PRRC2A: variants seen among roughly 807,000 people sequenced by gnomAD.
PRRC2A encodes protein PRRC2A.
In PRRC2A, 59 loss-of-function variants were observed where a neutral mutation model predicts 224.6. The ratio of observed to expected loss-of-function variants is 0.26; its 90% CI spans 0.21 to 0.33. PRRC2A has a LOEUF of 0.33. PRRC2A is among the 10% of genes least tolerant of loss of function. The pLI is 1.00. For synonymous variants in PRRC2A, 1,194 were observed against 1,109.5 expected, an observed-to-expected ratio of 1.08 and a Z score of -1.51; for missense variants, 3,095 against 2,880.7, an observed-to-expected ratio of 1.07 and a Z score of -1.70.
chr6:31,626,342 CAGG>C (rs1398840545), intron 9 of PRRC2A, among the ~76,000 whole-genome samples, 180 bp downstream of exon 9: 3 of 151,622 alleles, frequency 2.0e-5, no homozygotes, highest in African/African-American at 7.3e-5. Flanking sequence ...CGCTTGAAGC[CAGG>C]AGTTCAAGAC....
In PRRC2A at chr6:31,627,948, C is replaced by A; in HGVS notation, c.1474C>A (p.Arg492=). ...GGCAGCCTGTGCTGAGAAGCTCAAGCGACTCGATGAAAAGTTTGGGGCACC... is the reference window on the plus strand; with the variant it reads ...GGCAGCCTGTGCTGAGAAGCTCAAGAGACTCGATGAAAAGTTTGGGGCACC... The part of the protein sequence containing the change: ...RRAACAEKLK[R]LDEKFGAPDK... The change falls in exon 12 of 31, where the codon CGA becomes AGA. Residue 492 remains arginine (R), a synonymous_variant. Coordinates refer to ENST00000376033, the MANE Select transcript of PRRC2A (RefSeq NM_004638.4). This position sits in a 1 kb window ranked among gnomAD's most constrained non-coding sequence, Gnocchi z 5.6. The A allele has an allele frequency of 1.2e-6, 2 of 1,612,988 alleles. No homozygotes were observed. Among genetic ancestry groups the A allele is most frequent in the South Asian group, 1.1e-5 (1 of 91,076 alleles).
chr6:31,626,430 A>T (rs978079597), intron 9 of PRRC2A, among the ~76,000 whole-genome samples: 3 of 151,908 alleles, frequency 2.0e-5, no homozygotes, highest in Non-Finnish European at 1.5e-5. Context: ...TGGACTGTGC[A>T]TCTGTGGTCC....
In PRRC2A at chr6:31,637,322, C is replaced by G; in HGVS notation, c.6331C>G (p.Gln2111Glu). 1 of 1,610,436 alleles carries G rather than the reference C, an allele frequency of 6.2e-7. No individual in the cohort carries two copies. Among genetic ancestry groups the G allele is most frequent in the Non-Finnish European group, 8.5e-7 (1 of 1,177,600 alleles). ...CACCCAGCGCGTCGACCTTTACCAGCAGGTGAAGGAGAAACCCTTGTGGCC... is the reference window on the plus strand; with the variant it reads ...CACCCAGCGCGTCGACCTTTACCAGGAGGTGAAGGAGAAACCCTTGTGGCC... ...FRTQRVDLYQ[Q>E]ASPPDALRWI... The change falls in exon 30 of 31, where the codon CAG becomes GAG. Residue 2111 changes from glutamine to glutamate, a missense_variant and splice_region_variant. Transcript: ENST00000376033.
chr6:31,632,962 AGAG>A lies in PRRC2A; in HGVS notation c.4293_4295del (p.Arg1431del), dbSNP rs903284355. The A allele has an allele frequency of 5.6e-6, 9 of 1,600,804 alleles. No individual in the cohort carries two copies. Among genetic ancestry groups the A allele is most frequent in the Middle Eastern group, 1.7e-4 (1 of 6,020 alleles). On this transcript the variant is annotated inframe_deletion, in exon 16 of 31. Transcript: ENST00000376033. ...AGGACCGGGCCAGGACGAGGCGACA[AGAG>A]GAGCTGGCCCTCTCCCAAGAACCGA...
At position 31,625,392 on chromosome 6, in the gene PRRC2A, A is replaced by G; in HGVS notation, c.608-68A>G. 6.2e-7 allele frequency: 1 copy of G among 1,612,276 alleles called. No homozygotes were observed. The highest frequency in any genetic ancestry group is 1.1e-5 in the South Asian group (1 of 91,044). Reference sequence around the variant, plus strand: ...TGCTGGCTTATTCACCTTCCTCCCCATCACTTTCAGCTGTGTTCACTTGTC... The same window carrying G: ...TGCTGGCTTATTCACCTTCCTCCCCGTCACTTTCAGCTGTGTTCACTTGTC... On this transcript the variant is annotated intron_variant, in intron 6 of 30. Coordinates refer to ENST00000376033, the MANE Select transcript of PRRC2A (RefSeq NM_004638.4). The surrounding 1 kb of genome is among the most constrained non-coding windows in gnomAD (Gnocchi z 4.1).
chr6:31,635,443 A>C lies in PRRC2A; in HGVS notation c.5351A>C (p.Glu1784Ala). The C allele has an allele frequency of 1.2e-6, 2 of 1,614,180 alleles. No individual in the cohort carries two copies. The highest frequency in any genetic ancestry group is 1.7e-5 in the Admixed American group (1 of 60,030). The change falls in exon 23 of 31, where the codon GAG (glutamate) becomes GCG (alanine). Residue 1784 changes from glutamate to alanine, a missense_variant. By Grantham distance (107) the Glu-to-Ala change is moderately radical. This residue lies in a region of PRRC2A where 662 missense variants were observed against 609.5 expected (regional missense o/e 1.09). Transcript: ENST00000376033. ...VVGDSLKAEK[E>A]LTASVTEAIP... ...GGAGACAGCTTGAAAGCAGAGAAGG[A>C]GCTAACAGCATCAGTCACTGAGGTA...
Position 31,632,511 on chromosome 6 carries a change from C to A in PRRC2A, c.3838C>A (p.Pro1280Thr), listed in dbSNP as rs775329289. ...GSEGKPSLTLPASAPGPEEAL... is the reference protein window; with the variant it reads ...GSEGKPSLTLTASAPGPEEAL... ...TGAGGGCAAGCCCTCCCTAACCCTT[C>A]CAGCCTCCGCTCCTGGACCTGAGGA... is the stretch of plus-strand genomic sequence containing the variant. The change falls in exon 16 of 31, where the codon CCA (proline) becomes ACA (threonine). Residue 1280 changes from proline (P) to threonine (T), a missense_variant. By Grantham distance (38) the Pro-to-Thr change is conservative (BLOSUM62 -1). Around this residue, in one of 8 missense-constraint regions of PRRC2A, gnomAD observed 2,001 missense variants for 1,764.9 expected, o/e 1.13. Coordinates refer to ENST00000376033, the MANE Select transcript of PRRC2A (RefSeq NM_004638.4). 20 of 1,608,516 alleles carry A rather than the reference C, an allele frequency of 1.2e-5. No individual in the cohort carries two copies. The East Asian group carries it at 4.2e-4, about 34-fold the overall frequency.
rs751160523 is a variant in PRRC2A at position 31,635,407 on chromosome 6, G to T, written c.5315G>T (p.Arg1772Leu). Residue 1772 changes from arginine (R) to leucine (L), a missense_variant, in exon 23 of 31, where the codon CGC becomes CTC. Transcript: ENST00000376033. ...FGTSDKDSDL[R>L]LVVGDSLKAE... ...TTGTGATCACAGGACTCAGACTTACGCCTAGTGGTAGGAGACAGCTTGAAA... is the reference window on the plus strand; with the variant it reads ...TTGTGATCACAGGACTCAGACTTACTCCTAGTGGTAGGAGACAGCTTGAAA... 2 of 1,614,234 alleles carry T rather than the reference G, an allele frequency of 1.2e-6. No homozygotes were observed. Among genetic ancestry groups the T allele is most frequent in the African/African-American group, 1.3e-5 (1 of 75,052 alleles).
At chr6:31,626,696 G>A (rs1350317196) in intron 9 of PRRC2A, 76 bp from the exon 10 acceptor site, 12 of 1,300,786 alleles carry the variant, frequency 9.2e-6, no homozygotes, top group African/African-American at 1.5e-5. Context: ...AGTCCATCTT[G>A]TTACATAGTT....
intron 13 of PRRC2A, 101 bp from the exon 14 acceptor site, chr6:31,629,447 A>G (rs1776285768): frequency 6.2e-6 from 9 of 1,451,578 alleles, no homozygotes; most frequent in Non-Finnish European, 8.6e-6. Context: ...AGTTGTCTCC[A>G]TTGTCACGCC....
intron 2 of PRRC2A, 150 bp downstream of exon 2, chr6:31,623,051 G>A (rs748541428): frequency 6.3e-6 from 5 of 792,228 alleles, no homozygotes; most frequent in Non-Finnish European, 1.1e-5. Flanking sequence ...CTTTAAAGGG[G>A]GTGTGGGCTC....
rs764915661 is a variant in PRRC2A, at chr6:31,625,117, G to C, written c.464-54G>C. On this transcript the variant is annotated intron_variant, in intron 5 of 30. Coordinates refer to ENST00000376033, the MANE Select transcript of PRRC2A (RefSeq NM_004638.4). The surrounding 1 kb of genome is among the most constrained non-coding windows in gnomAD (Gnocchi z 4.1). ...CCAGCCAGAGTCTTCCACTTTTATA[G>C]CATGTCCTCAGGAAATGTCTTCTGT... is the stretch of plus-strand genomic sequence containing the variant. 7 of 1,574,384 alleles carry C rather than the reference G, an allele frequency of 4.4e-6. No homozygotes were observed. The highest frequency in any genetic ancestry group is 6.1e-6 in the Non-Finnish European group (7 of 1,154,020).
intron 13 of PRRC2A, 35 bp downstream of exon 13, chr6:31,629,369 T>G (rs1266669769): frequency 1.3e-6 from 2 of 1,530,342 alleles, no homozygotes; most frequent in Non-Finnish European, 1.8e-6. Flanking sequence ...AAGGGCTGCT[T>G]TTCTTCCTGG....
At chr6:31,623,563 C>T (rs1775559157) in intron 2 of PRRC2A, among the ~76,000 whole-genome samples, 169 bp from the exon 3 acceptor site, 1 of 152,156 alleles carries the variant, frequency 6.6e-6, no homozygotes, top group African/African-American at 2.4e-5. Context: ...CCACCACAAT[C>T]AGCGCGATTT....
rs770672508 is a variant in PRRC2A at position 31,631,235 on chromosome 6, T to C, written c.2562T>C (p.Phe854=). ...CCCCTGGGCCCCCAATCTCTCGCTT[T>C]CCTCTGGAGGAACCAGGGCCCCGTC... The part of the protein sequence containing the change: ...NGAPGPPISR[F]PLEEPGPRPL... Residue 854 remains phenylalanine, a synonymous_variant, in exon 16 of 31, where the codon TTT becomes TTC. Transcript: ENST00000376033. The surrounding 1 kb of genome is among the most constrained non-coding windows in gnomAD (Gnocchi z 4.5). 5.0e-6 allele frequency: 8 copies of C among 1,610,364 alleles called. No homozygotes were observed. Among genetic ancestry groups the C allele is most frequent in the Non-Finnish European group, 6.8e-6 (8 of 1,179,202 alleles).
rs1357623860 is a variant in PRRC2A at position 31,632,275 on chromosome 6, C to T, written c.3602C>T (p.Pro1201Leu). 5 of 1,613,020 alleles carry T rather than the reference C, an allele frequency of 3.1e-6. No individual in the cohort carries two copies. Among genetic ancestry groups the T allele is most frequent in the Non-Finnish European group, 4.2e-6 (5 of 1,180,036 alleles). ...GCTCCCAAGAAACCTCCCACAGGCC[C>T]TTTGCCACCAAGTAAGGAGCCTTTG... is the stretch of plus-strand genomic sequence containing the variant. ...SLAPKKPPTG[P>L]LPPSKEPLKE... is the part of the protein sequence containing the mutation. The change falls in exon 16 of 31, where the codon CCT becomes CTT. Residue 1201 changes from proline (P) to leucine (L), a missense_variant. Coordinates refer to ENST00000376033, the MANE Select transcript of PRRC2A (RefSeq NM_004638.4).
chr6:31,631,935 C>G lies in PRRC2A; in HGVS notation c.3262C>G (p.Arg1088Gly). The G allele has an allele frequency of 6.2e-7, 1 of 1,612,870 alleles. No individual in the cohort carries two copies. The highest frequency in any genetic ancestry group is 1.3e-5 in the African/African-American group (1 of 75,020). Residue 1088 changes from arginine to glycine, a missense_variant, in exon 16 of 31, where the codon CGG becomes GGG. Physicochemically the swap from Arg to Gly is moderately radical, Grantham distance 125. Transcript: ENST00000376033. This position sits in a 1 kb window ranked among gnomAD's most constrained non-coding sequence, Gnocchi z 4.5. ...APRGRTASETRSEGSEYEEIP... is the reference protein window; with the variant it reads ...APRGRTASETGSEGSEYEEIP... The stretch of plus-strand genomic sequence containing the variant: ...CCGAGGCCGCACTGCCAGCGAGACA[C>G]GGAGCGAGGGTTCAGAGTATGAGGA...
Position 31,633,424 on chromosome 6 carries a change from A to C in PRRC2A, c.4365A>C (p.Pro1455=). ...ERPPGLPLPP[P]PPSSSAVFRL... is the part of the protein sequence containing the mutation. ...CCCCGGGGCTTCCCCTGCCTCCCCC[A>C]CCTCCCAGCAGTTCTGCTGTCTTCC... Residue 1455 remains proline (P), a synonymous_variant, in exon 17 of 31, where the codon CCA becomes CCC. Transcript: ENST00000376033. 1.2e-6 allele frequency: 2 copies of C among 1,612,632 alleles called. No homozygotes were observed. The highest frequency in any genetic ancestry group is 1.7e-6 in the Non-Finnish European group (2 of 1,179,952).
rs777254410 is a variant in PRRC2A, at chr6:31,632,204, C to G, written c.3531C>G (p.Pro1177=). 3 of 1,607,126 alleles carry G rather than the reference C, an allele frequency of 1.9e-6. No individual in the cohort carries two copies. The highest frequency in any genetic ancestry group is 2.5e-6 in the Non-Finnish European group (3 of 1,177,646). The change falls in exon 16 of 31, where the codon CCC becomes CCG. Residue 1177 remains proline, a synonymous_variant. Coordinates refer to ENST00000376033, the MANE Select transcript of PRRC2A (RefSeq NM_004638.4). The stretch of plus-strand genomic sequence containing the variant: ...GCCGGGGCCGAGGAGGAGGGAGGCC[C>G]CCTCCTCAAGTTTGCCCAGGCTGGA... ...PSRRGRGGGR[P]PPQVCPGWSP...
Sources: gnomAD v4.1 joint callset for allele counts (sites outside exome capture counted in the v4.1 genomes callset) on GRCh38, gnomAD v4.1.1 for gene constraint, gnomAD v4.1.1 regional missense constraint, Gnocchi (gnomAD v3.1) non-coding constraint, MANE v1.5 for transcripts, NCBI Gene and HGNC (gene_info 2026-07-23, HGNC 2026-07-21) for gene names.